PDZD2: variants seen among roughly 807,000 people sequenced by gnomAD.
PDZD2 encodes the protein PDZ domain-containing protein 2.
A neutral mutation model predicts 220.7 loss-of-function variants in PDZD2; 90 were observed. The ratio of observed to expected loss-of-function variants is 0.41; its 90% CI spans 0.34 to 0.49. The LOEUF (loss-of-function observed/expected upper bound fraction) is 0.49, where lower values mean the gene tolerates loss of function less well. Among genes scored for constraint, PDZD2 ranks in the 20% least tolerant of loss-of-function variants. PDZD2 has a pLI of 0.28. For missense variants in PDZD2, 3,174 were observed against 3,608.5 expected, an observed-to-expected ratio of 0.88 and a Z score of 3.08; for synonymous variants, 1,375 against 1,450.5, an observed-to-expected ratio of 0.95 and a Z score of 1.18.
intron 2 of PDZD2, among the ~76,000 whole-genome samples, chr5:31,979,331 A>G: frequency 6.6e-6 from 1 of 152,130 alleles, no homozygotes; most frequent in South Asian, 2.1e-4. Flanking sequence ...GCACTTTGGG[A>G]GCCTGAGGTG....
chr5:31,887,650 G>A (rs1740634936), intron 2 of PDZD2, among the ~76,000 whole-genome samples: 1 of 152,078 alleles, frequency 6.6e-6, no homozygotes, highest in African/African-American at 2.4e-5. Flanking sequence ...GAACAATAGG[G>A]CTGATTTTTC....
chr5:32,002,280 G>C (rs1173023019), intron 5 of PDZD2, among the ~76,000 whole-genome samples: 1 of 152,082 alleles, frequency 6.6e-6, no homozygotes, highest in Non-Finnish European at 1.5e-5. Flanking sequence ...GGAGGTAGGC[G>C]TTGAGACCAC....
intron 2 of PDZD2, among the ~76,000 whole-genome samples, chr5:31,808,432 A>G (rs1378635508): frequency 6.6e-6 from 1 of 152,206 alleles, no homozygotes; most frequent in Non-Finnish European, 1.5e-5. Context: ...GTGAAGCATT[A>G]CGGACTGTTT....
rs552270028 is a variant in PDZD2, at chr5:31,862,102, T to G, written c.476+62378T>G. 2.7e-4 allele frequency among the ~76,000 whole-genome samples: 21 copies of G among 76,840 alleles called. 1 individual carries two copies. In the South Asian group the frequency reaches 6.5e-3, roughly 24 times the overall value. 50.4% of individuals were successfully genotyped at this position (76,840 alleles called of 152,430 possible). ...ATAGACTCAATGTTTTTTTTTTGGG[T>G]TTTTTTTTTTTTTTTTTTTTTGAGA... is the stretch of plus-strand genomic sequence containing the variant. On this transcript the variant is annotated intron_variant, in intron 2 of 24. Transcript: ENST00000438447.
chr5:31,790,737 C>G (rs148527043), intron 1 of PDZD2, among the ~76,000 whole-genome samples: 93 of 114,016 alleles, frequency 8.2e-4, no homozygotes, highest in African/African-American at 2.7e-3. Context: ...CTCGCTCTTT[C>G]GCTCAGGCCG....
rs1183243708 is a variant in PDZD2 at position 32,000,849 on chromosome 5, C to T, written c.1254+578C>T. Among the ~76,000 whole-genome samples the T allele has an allele frequency of 1.3e-5, 2 of 152,300 alleles. No homozygotes were observed. Among genetic ancestry groups the T allele is most frequent in the African/African-American group, 4.8e-5 (2 of 41,564 alleles). On this transcript the variant is annotated intron_variant, in intron 5 of 24. Transcript: ENST00000438447. This position sits in a 1 kb window ranked among gnomAD's most constrained non-coding sequence, Gnocchi z 4.5. ...ATAGGTATATGTTAGGGCAGGTGTC[C>T]CCAGCCCCTGGGCTGTGGATGGGCA... is the stretch of plus-strand genomic sequence containing the variant.
At chr5:31,647,208 A>G (rs558167824) in intron 1 of PDZD2, among the ~76,000 whole-genome samples, 3 of 152,244 alleles carry the variant, frequency 2.0e-5, no homozygotes, top group Non-Finnish European at 2.9e-5. Flanking sequence ...GATCCAGTAC[A>G]ATGCCTAGTA....
At chr5:32,030,552 G>T (rs1318690057) in intron 6 of PDZD2, among the ~76,000 whole-genome samples, 10 of 152,136 alleles carry the variant, frequency 6.6e-5, no homozygotes, top group Admixed American at 6.5e-4. Flanking sequence ...TTATAGGTTT[G>T]CATGCTGAAT....
At chr5:31,831,408 G>A (rs1333529229) in intron 2 of PDZD2, among the ~76,000 whole-genome samples, 1 of 148,746 alleles carries the variant, frequency 6.7e-6, no homozygotes, top group South Asian at 2.2e-4. Context: ...GAGGTCAAGA[G>A]ATCAAGACCA....
intron 1 of PDZD2, among the ~76,000 whole-genome samples, chr5:31,740,568 G>T (rs548165569): frequency 1.3e-4 from 17 of 127,308 alleles, no homozygotes; most frequent in Middle Eastern, 4.4e-3. Context: ...ATCTGCTGTT[G>T]TCTGCAGCTG....
chr5:32,100,654 G>A, intron 23 of PDZD2: 1 of 363,338 alleles, frequency 2.8e-6, no homozygotes, highest in Non-Finnish European at 5.4e-6. Context: ...ATGAGACTGG[G>A]CATTTTGGTG....
At chr5:32,085,473 G>A (rs1742358378) in intron 19 of PDZD2, among the ~76,000 whole-genome samples, 1 of 148,194 alleles carries the variant, frequency 6.7e-6, no homozygotes, top group Non-Finnish European at 1.5e-5. Flanking sequence ...TTGAGACGGA[G>A]TCTTGCTCTG....
At chr5:32,080,452 C>T (rs537824941) in intron 19 of PDZD2, among the ~76,000 whole-genome samples, 90 of 150,998 alleles carry the variant, frequency 6.0e-4, no homozygotes, top group African/African-American at 2.1e-3. Context: ...AGTAAGGCTT[C>T]ATTTGAGGCC....
chr5:31,781,042 C>T lies in PDZD2; in HGVS notation c.-360-17847C>T, dbSNP rs551759770. On this transcript the variant is annotated intron_variant, in intron 1 of 24. Transcript: ENST00000438447. ...TGCTGCAAGGGGAGGATGTCACTTACACCACCGATCAGTTAGGCCCTTCTT... is the reference window on the plus strand; with the variant it reads ...TGCTGCAAGGGGAGGATGTCACTTATACCACCGATCAGTTAGGCCCTTCTT... Among the ~76,000 whole-genome samples the T allele has an allele frequency of 2.0e-5, 3 of 152,330 alleles. No individual in the cohort carries two copies. In the South Asian group the frequency reaches 6.2e-4, roughly 32 times the overall value.
chr5:32,032,882 C>T (rs1036662728), intron 6 of PDZD2, among the ~76,000 whole-genome samples: 1 of 152,200 alleles, frequency 6.6e-6, no homozygotes, highest in South Asian at 2.1e-4. Context: ...CACTCTGCCC[C>T]ACTACCTCTC....
At chr5:31,920,828 T>C (rs1341508539) in intron 2 of PDZD2, among the ~76,000 whole-genome samples, 2 of 152,174 alleles carry the variant, frequency 1.3e-5, no homozygotes, top group South Asian at 4.1e-4. Flanking sequence ...GTCTCCATAA[T>C]TTTGCCGTTT....
intron 1 of PDZD2, among the ~76,000 whole-genome samples, chr5:31,764,553 C>T (rs966055416): frequency 2.0e-5 from 3 of 152,138 alleles, no homozygotes; most frequent in South Asian, 2.1e-4. Context: ...TAGGAGTGTT[C>T]GGGAAATCTG....
chr5:31,831,880 C>T (rs1580846448), intron 2 of PDZD2, among the ~76,000 whole-genome samples: 1 of 139,534 alleles, frequency 7.2e-6, no homozygotes, highest in East Asian at 2.0e-4. Flanking sequence ...CCCCACTGCA[C>T]TCCAGCCTGG....
chr5:32,100,690 G>A (rs185331658), intron 23 of PDZD2: 13 of 380,836 alleles, frequency 3.4e-5, no homozygotes, highest in South Asian at 2.1e-4. Flanking sequence ...ACCAGAGGAT[G>A]ATCTGCTGCT....
Sources: gnomAD v4.1 joint callset for allele counts (sites outside exome capture counted in the v4.1 genomes callset) on GRCh38, gnomAD v4.1.1 for gene constraint, Gnocchi (gnomAD v3.1) non-coding constraint, MANE v1.5 for transcripts, NCBI Gene and HGNC (gene_info 2026-07-23, HGNC 2026-07-21) for gene names.